DLGAP1: variants seen among roughly 807,000 people sequenced by gnomAD.
DLGAP1 encodes disks large-associated protein 1.
A neutral mutation model predicts 90.8 loss-of-function variants in DLGAP1; 11 were observed. The ratio of observed to expected loss-of-function variants is 0.12; its 90% CI spans 0.08 to 0.20. DLGAP1 has a LOEUF of 0.20. Ranked by LOEUF, DLGAP1 falls within the 10% of genes least tolerant of loss-of-function variation. The pLI is 1.00. For synonymous variants in DLGAP1, 558 were observed against 540.7 expected, an observed-to-expected ratio of 1.03 and a Z score of -0.44; for missense variants, 1,050 against 1,333.8, an observed-to-expected ratio of 0.79 and a Z score of 3.31.
At chr18:3,793,966 T>C (rs751790158) in intron 5 of DLGAP1, among the ~76,000 whole-genome samples, 9 of 152,218 alleles carry the variant, frequency 5.9e-5, no homozygotes, top group Non-Finnish European at 1.2e-4. Flanking sequence ...GCAAGCTCTG[T>C]AAGGGCAGGG....
At chr18:3,601,918 C>T (rs1346300001) in intron 7 of DLGAP1, among the ~76,000 whole-genome samples, 3 of 148,498 alleles carry the variant, frequency 2.0e-5, no homozygotes, top group South Asian at 2.1e-4. Flanking sequence ...CTGAGGCAGG[C>T]GAATCGCTTG....
At chr18:4,165,564 T>C (rs2076919117) in intron 1 of DLGAP1, among the ~76,000 whole-genome samples, 1 of 152,160 alleles carries the variant, frequency 6.6e-6, no homozygotes, top group Non-Finnish European at 1.5e-5. Flanking sequence ...AATATGGGTA[T>C]ATTGTGAGTT....
At chr18:3,826,173 T>G (rs1412634405) in intron 4 of DLGAP1, among the ~76,000 whole-genome samples, 3 of 152,180 alleles carry the variant, frequency 2.0e-5, no homozygotes, top group Non-Finnish European at 4.4e-5. Context: ...TACTGAGTAC[T>G]ATGTTCATTA....
At chr18:4,015,366 G>GCA (rs2074504331) in intron 2 of DLGAP1, among the ~76,000 whole-genome samples, 1 of 152,116 alleles carries the variant, frequency 6.6e-6, no homozygotes, top group Non-Finnish European at 1.5e-5. Context: ...GCAGAAAAGA[G>GCA]TTCTATGATG....
At chr18:3,932,492 G>C (rs534121625) in intron 3 of DLGAP1, among the ~76,000 whole-genome samples, 45 of 152,236 alleles carry the variant, frequency 3.0e-4, no homozygotes, top group East Asian at 5.8e-4. Context: ...ATACCCTTGC[G>C]GGGGAGCCTA....
chr18:3,998,895 C>T (rs1471985426), intron 3 of DLGAP1, among the ~76,000 whole-genome samples: 2 of 152,098 alleles, frequency 1.3e-5, no homozygotes, highest in African/African-American at 2.4e-5. Context: ...TTGTGTTTTA[C>T]GGTCACTTGG....
chr18:3,934,139 G>A lies in DLGAP1; in HGVS notation c.-72-53999C>T, dbSNP rs541825076. On this transcript the variant is annotated intron_variant, in intron 3 of 12. Transcript: ENST00000315677. ...AAAAATGGAACAGTATTTACTAAAA[G>A]GATGTAGTGACAAAGTACAGCCTTT... Among the ~76,000 whole-genome samples the A allele has an allele frequency of 2.0e-5, 3 of 152,302 alleles. No homozygotes were observed. In the South Asian group the frequency reaches 6.2e-4, roughly 32 times the overall value.
chr18:4,028,312 A>G (rs2074736276), intron 2 of DLGAP1, among the ~76,000 whole-genome samples: 1 of 152,236 alleles, frequency 6.6e-6, no homozygotes, highest in Admixed American at 6.5e-5. Flanking sequence ...AAATACAAAA[A>G]CACATAATAG....
At chr18:4,095,738 C>T (rs977333367) in intron 2 of DLGAP1, among the ~76,000 whole-genome samples, 1 of 151,728 alleles carries the variant, frequency 6.6e-6, no homozygotes, top group Admixed American at 6.6e-5. Flanking sequence ...TAATATAACA[C>T]ACTAGATGCC....
chr18:3,600,043 C>T (rs940211740), intron 7 of DLGAP1, among the ~76,000 whole-genome samples: 4 of 152,088 alleles, frequency 2.6e-5, no homozygotes, highest in African/African-American at 4.8e-5. Flanking sequence ...CTTTAGCCTC[C>T]GGAACAGCTG....
chr18:4,392,487 A>G (rs2082359039), intron 1 of DLGAP1, among the ~76,000 whole-genome samples: 1 of 152,186 alleles, frequency 6.6e-6, no homozygotes, highest in Non-Finnish European at 1.5e-5. Flanking sequence ...AGATGCTCCA[A>G]GAAAAAAAAG....
intron 1 of DLGAP1, among the ~76,000 whole-genome samples, chr18:4,446,443 A>G (rs1598435169): frequency 7.2e-6 from 1 of 139,416 alleles, no homozygotes; most frequent in East Asian, 1.9e-4. Context: ...GAAGTCAAGC[A>G]GCAGCAGCAG....
At chr18:4,340,343 A>C (rs2081163458) in intron 1 of DLGAP1, among the ~76,000 whole-genome samples, 1 of 152,180 alleles carries the variant, frequency 6.6e-6, no homozygotes, top group Non-Finnish European at 1.5e-5. Flanking sequence ...AAAGCAGGAC[A>C]GAGTGAGGTT....
At chr18:4,003,009 T>C (rs9964562) in intron 3 of DLGAP1, among the ~76,000 whole-genome samples, 10,682 of 152,290 alleles carry the variant, frequency 0.07, 1,100 homozygotes, top group African/African-American at 0.22. Flanking sequence ...GAAGTGCTCC[T>C]GTGTGATTAC....
rs1188843935 is a variant in DLGAP1 at position 3,497,067 on chromosome 18, A to G, written c.*2118T>C. ...CCAAATCTCAACTCTACCTCAGGGC[A>G]CGGAGCTGTAATTGTGAGCATGGGT... is the stretch of plus-strand genomic sequence containing the variant. On this transcript the variant is annotated 3_prime_UTR_variant, in exon 13 of 13. Transcript: ENST00000315677. 9 of 152,172 alleles carry G rather than the reference A, an allele frequency of 5.9e-5. No homozygotes were observed. The highest frequency in any genetic ancestry group is 1.3e-4 in the Non-Finnish European group (9 of 68,032). 9.4% of individuals were successfully genotyped at this position (152,172 alleles called of 1,614,324 possible).
At chr18:3,600,584 G>GGTA (rs1410922855) in intron 7 of DLGAP1, among the ~76,000 whole-genome samples, 3 of 150,524 alleles carry the variant, frequency 2.0e-5, no homozygotes, top group African/African-American at 7.4e-5. Context: ...TAAGGGCCCT[G>GGTA]GTAGGGGATT....
chr18:3,585,747 C>G (rs2055840250), intron 7 of DLGAP1, among the ~76,000 whole-genome samples: 2 of 152,084 alleles, frequency 1.3e-5, no homozygotes, highest in East Asian at 3.9e-4. Flanking sequence ...AGTTGCAGAC[C>G]AGCCTGGGCA....
At chr18:3,845,137 G>T in intron 4 of DLGAP1, 1 of 1,460,174 alleles carries the variant, frequency 6.8e-7, no homozygotes, top group South Asian at 1.3e-5. Context: ...ATTAACTCCA[G>T]TATGTTAAAA....
At chr18:3,641,484 C>T (rs1222133388) in intron 7 of DLGAP1, among the ~76,000 whole-genome samples, 12 of 144,490 alleles carry the variant, frequency 8.3e-5, no homozygotes, top group South Asian at 2.2e-4. Context: ...TTGCGGTGAG[C>T]TGAGATGGCA....
Sources: gnomAD v4.1 joint callset for allele counts (sites outside exome capture counted in the v4.1 genomes callset) on GRCh38, gnomAD v4.1.1 for gene constraint, MANE v1.5 for transcripts, NCBI Gene and HGNC (gene_info 2026-07-23, HGNC 2026-07-21) for gene names.